The following PITPNM2 variants were observed in gnomAD, a reference collection of about 807,000 sequenced individuals.
The protein encoded by PITPNM2 is membrane-associated phosphatidylinositol transfer protein 2.
In PITPNM2, 35 loss-of-function variants were observed where a neutral mutation model predicts 132.2. The observed-to-expected ratio is 0.26, with a 90% confidence interval of 0.20 to 0.35. PITPNM2 has a LOEUF of 0.35. PITPNM2 is among the 10% of genes least tolerant of loss of function. The pLI, the probability that PITPNM2 is intolerant of heterozygous loss-of-function variation, is 1.00. For synonymous variants in PITPNM2, 738 were observed against 799.2 expected (o/e 0.92, Z 1.29); for missense variants, 1,332 against 1,912.0 (o/e 0.70, Z 5.66).
intron 3 of PITPNM2, among the ~76,000 whole-genome samples, chr12:123,015,817 C>T (rs892889249): frequency 3.9e-5 from 6 of 152,142 alleles, no homozygotes; most frequent in African/African-American, 1.4e-4. Context: ...AAAAAGACAA[C>T]CCACCAAATG....
rs1452291465 is a variant in PITPNM2, at chr12:123,004,319, C to G, written c.1048+75G>C. ...CAACACCCGCATCAGTCCACACCCA[C>G]ACCCTAAGCCCTTTCAGACCCCTCC... On this transcript the variant is annotated intron_variant, in intron 8 of 25. Transcript: ENST00000320201. This position sits in a 1 kb window ranked among gnomAD's most constrained non-coding sequence, Gnocchi z 4.9. 2.8e-6 allele frequency: 4 copies of G among 1,406,594 alleles called. No individual in the cohort carries two copies. In the Admixed American group the frequency reaches 6.9e-5, roughly 24 times the overall value. 87.1% of individuals were successfully genotyped at this position (1,406,594 alleles called of 1,614,324 possible).
chr12:122,996,322 G>T, intron 13 of PITPNM2, 136 bp downstream of exon 13: 1 of 1,231,700 alleles, frequency 8.1e-7, no homozygotes, highest in Non-Finnish European at 1.1e-6. Context: ...AAGCCAGATG[G>T]ACTCAGGAAG....
At chr12:123,123,993 C>T (rs998068462) in intron 1 of PITPNM2, among the ~76,000 whole-genome samples, 5 of 151,658 alleles carry the variant, frequency 3.3e-5, no homozygotes, top group Admixed American at 6.6e-5. Flanking sequence ...CAGTGGCTCA[C>T]ACCTGTAATC....
At chr12:123,028,282 G>T (rs1204921005) in intron 3 of PITPNM2, among the ~76,000 whole-genome samples, 1 of 152,228 alleles carries the variant, frequency 6.6e-6, no homozygotes, top group East Asian at 1.9e-4. Context: ...TGCTCCAGCA[G>T]GGTGCCAGGT....
intron 1 of PITPNM2, among the ~76,000 whole-genome samples, chr12:123,138,299 T>G (rs975182538): frequency 6.6e-6 from 1 of 151,656 alleles, no homozygotes; most frequent in African/African-American, 2.4e-5. Flanking sequence ...AATACAAAAA[T>G]TATCCAGACA....
intron 6 of PITPNM2, among the ~76,000 whole-genome samples, chr12:123,007,053 C>T (rs1164043790): frequency 6.6e-6 from 1 of 152,202 alleles, no homozygotes; most frequent in South Asian, 2.1e-4. Context: ...ACTCGCCTGG[C>T]CCCTGACAGT....
intron 6 of PITPNM2, among the ~76,000 whole-genome samples, chr12:123,007,948 C>G (rs2039011993): frequency 6.6e-6 from 1 of 152,194 alleles, no homozygotes; most frequent in Non-Finnish European, 1.5e-5. Context: ...TATTATAGGA[C>G]TAGTACTCAC....
chr12:123,016,995 G>A (rs931224952), intron 3 of PITPNM2, among the ~76,000 whole-genome samples: 2 of 150,634 alleles, frequency 1.3e-5, no homozygotes, highest in Non-Finnish European at 2.9e-5. Context: ...GCAATAAGCC[G>A]AGATTGTGCC....
rs906820698 is a variant in PITPNM2 at position 122,986,047 on chromosome 12, C to T, written c.4030G>A (p.Ala1344Thr). 35 of 1,407,834 alleles carry T rather than the reference C, an allele frequency of 2.5e-5. 1 individual carries two copies. In the Admixed American group the frequency reaches 3.4e-4, roughly 14 times the overall value. The allele number at this position is 1,407,834 out of a possible 1,614,324, so 87.2% of individuals were successfully genotyped here. The part of the protein sequence containing the change: ...RAMTGRLEPG[A>T]AAGPK Reference sequence around the variant, plus strand: ...GTGCCCTACTTGGGGCCCGCGGCTGCCCCCGGCTCCAGGCGGCCAGTCATG... The same window carrying T: ...GTGCCCTACTTGGGGCCCGCGGCTGTCCCCGGCTCCAGGCGGCCAGTCATG... The change falls in exon 26 of 26, where the codon GCA (alanine) becomes ACA (threonine). Residue 1344 changes from alanine to threonine, a missense_variant. Physicochemically the swap from Ala to Thr is moderately conservative, Grantham distance 58. This residue lies in a region of PITPNM2 where 163 missense variants were observed against 177.2 expected (regional missense o/e 0.92). Coordinates refer to ENST00000320201, the MANE Select transcript of PITPNM2 (RefSeq NM_020845.3).
chr12:123,024,678 C>A (rs1343910273), intron 3 of PITPNM2, among the ~76,000 whole-genome samples: 1 of 152,136 alleles, frequency 6.6e-6, no homozygotes, highest in Non-Finnish European at 1.5e-5. Context: ...CACAAAAGGA[C>A]ACATATTGTA....
At position 123,023,022 on chromosome 12, in the gene PITPNM2, G is replaced by C. The variant is rs538695990; in HGVS notation, c.79-8980C>G. Among the ~76,000 whole-genome samples, 5 of 152,360 alleles carry C rather than the reference G, an allele frequency of 3.3e-5. No homozygotes were observed. Among genetic ancestry groups the C allele is most frequent in the Admixed American group, 2.0e-4 (3 of 15,308 alleles). ...AGGGGCATGACTCTGTCTCCTGGCT[G>C]GGCCAGCAGCTTCTCCTGCCCATTA... On this transcript the variant is annotated intron_variant, in intron 3 of 25. Transcript: ENST00000320201. The surrounding 1 kb of genome is among the most constrained non-coding windows in gnomAD (Gnocchi z 4.8).
chr12:123,062,085 T>C (rs2041256238), intron 2 of PITPNM2, among the ~76,000 whole-genome samples: 1 of 152,190 alleles, frequency 6.6e-6, no homozygotes, highest in South Asian at 2.1e-4. Flanking sequence ...GGCTTGCATC[T>C]GTCTGCTCCC....
chr12:123,125,869 T>TG (rs1234379573), intron 1 of PITPNM2, among the ~76,000 whole-genome samples: 69 of 93,698 alleles, frequency 7.4e-4, no homozygotes, highest in African/African-American at 1.8e-3. Flanking sequence ...TTAGGGTTTT[T>TG]TTTTTTTTTT....
chr12:123,151,710 G>A (rs983698992), upstream of PITPNM2, among the ~76,000 whole-genome samples: 1 of 152,160 alleles, frequency 6.6e-6, no homozygotes, highest in Non-Finnish European at 1.5e-5. Flanking sequence ...CTCTCCAATG[G>A]GAAGAGCCCC....
chr12:123,109,855 G>C (rs75589918), intron 2 of PITPNM2, among the ~76,000 whole-genome samples: 6,435 of 152,314 alleles, frequency 0.042, 190 homozygotes, highest in East Asian at 0.17. Flanking sequence ...AAAGCTACCA[G>C]AGGCAGAACA....
intron 10 of PITPNM2, among the ~76,000 whole-genome samples, chr12:122,998,938 C>T (rs1052851741): frequency 7.2e-5 from 11 of 152,224 alleles, no homozygotes; most frequent in African/African-American, 2.4e-4. Flanking sequence ...CATAGCAAAA[C>T]CGTCTCTACC....
At chr12:123,067,805 A>C (rs2041477316) in intron 2 of PITPNM2, among the ~76,000 whole-genome samples, 1 of 152,216 alleles carries the variant, frequency 6.6e-6, no homozygotes, top group Non-Finnish European at 1.5e-5. Flanking sequence ...ATTGGGAAAC[A>C]GGACACACTC....
chr12:123,143,354 G>C (rs1165903970), intron 1 of PITPNM2, among the ~76,000 whole-genome samples: 1 of 152,178 alleles, frequency 6.6e-6, no homozygotes, highest in African/African-American at 2.4e-5. Flanking sequence ...CTGTGAGTCA[G>C]ACTTGGAAGG....
In PITPNM2 at chr12:122,995,335, T is replaced by C. The variant is rs2038377704; in HGVS notation, c.2054+54A>G. On this transcript the variant is annotated intron_variant, in intron 14 of 25. Coordinates refer to ENST00000320201, the MANE Select transcript of PITPNM2 (RefSeq NM_020845.3). ...CCATCACAGGGGATGTTCCTCCCTCTTGGAGCCTCTTCCCACACCCAGAGG... is the reference window on the plus strand; with the variant it reads ...CCATCACAGGGGATGTTCCTCCCTCCTGGAGCCTCTTCCCACACCCAGAGG... 3.9e-6 allele frequency: 6 copies of C among 1,536,222 alleles called. No homozygotes were observed. The African/African-American group carries it at 4.1e-5, about 11-fold the overall frequency.
Sources: gnomAD v4.1 joint callset for allele counts (sites outside exome capture counted in the v4.1 genomes callset) on GRCh38, gnomAD v4.1.1 for gene constraint, gnomAD v4.1.1 regional missense constraint, Gnocchi (gnomAD v3.1) non-coding constraint, MANE v1.5 for transcripts, NCBI Gene and HGNC (gene_info 2026-07-23, HGNC 2026-07-21) for gene names.